Variants in ARHGEF3 observed in about 807,000 individuals in gnomAD.
The protein encoded by ARHGEF3 is 59.8 kDA protein.
A neutral mutation model predicts 63.2 loss-of-function variants in ARHGEF3; 28 were observed. That is an observed-to-expected ratio of 0.44 (90% CI 0.33 to 0.61). The LOEUF is 0.61. Among genes scored for constraint, ARHGEF3 ranks in the 20% least tolerant of loss-of-function variants. The probability of loss-of-function intolerance (pLI) is 0.03; values close to 1 mark genes in which losing one functional copy is unlikely to be tolerated. For synonymous variants in ARHGEF3, 266 were observed against 254.2 expected (o/e 1.05, Z -0.44); for missense variants, 533 against 659.3 (o/e 0.81, Z 2.10).
At chr3:56,988,696 G>T (rs540492973) in intron 2 of ARHGEF3, among the ~76,000 whole-genome samples, 1 of 152,244 alleles carries the variant, frequency 6.6e-6, no homozygotes, top group African/African-American at 2.4e-5. Context: ...TTTAATTTTT[G>T]TACCAAAGGG....
chr3:57,000,339 C>T (rs1010721276), intron 2 of ARHGEF3, among the ~76,000 whole-genome samples: 7 of 151,048 alleles, frequency 4.6e-5, no homozygotes, highest in Non-Finnish European at 8.8e-5. Context: ...CACACACACA[C>T]ACACCTTAAG....
intron 1 of ARHGEF3, among the ~76,000 whole-genome samples, chr3:56,799,794 G>T (rs796781865): frequency 6.6e-6 from 1 of 152,108 alleles, no homozygotes; most frequent in Non-Finnish European, 1.5e-5. Context: ...TATGCTCATC[G>T]ATGAAGCTAA....
chr3:56,996,635 G>A (rs1701996755), intron 2 of ARHGEF3, among the ~76,000 whole-genome samples: 1 of 152,172 alleles, frequency 6.6e-6, no homozygotes, highest in African/African-American at 2.4e-5. Flanking sequence ...CCAGAACTGT[G>A]AGAAATCAAT....
intron 3 of ARHGEF3, among the ~76,000 whole-genome samples, chr3:56,938,280 A>T (rs1699001289): frequency 1.3e-5 from 2 of 152,182 alleles, no homozygotes; most frequent in Non-Finnish European, 2.9e-5. Context: ...GAAGAAAAGA[A>T]TTTTAATCTT....
intron 4 of ARHGEF3, among the ~76,000 whole-genome samples, chr3:56,845,795 GA>G (rs2039469217): frequency 6.6e-6 from 1 of 152,142 alleles, no homozygotes; most frequent in African/African-American, 2.4e-5. Flanking sequence ...AACCCTGTAG[GA>G]AGGCCCCAGA....
At chr3:56,808,770 A>C (rs2037958660) in intron 4 of ARHGEF3, among the ~76,000 whole-genome samples, 1 of 152,180 alleles carries the variant, frequency 6.6e-6, no homozygotes. Context: ...CTCCCAGCAG[A>C]TATTTGGCAC....
chr3:57,074,032 T>C (rs1233108310), intron 1 of ARHGEF3: 32 of 1,614,096 alleles, frequency 2.0e-5, no homozygotes, highest in Non-Finnish European at 2.6e-5. Flanking sequence ...GCTCTCCTGA[T>C]ACAGCAAGGC....
chr3:56,949,750 T>C (rs1300686496), intron 3 of ARHGEF3, among the ~76,000 whole-genome samples: 1 of 152,044 alleles, frequency 6.6e-6, no homozygotes, highest in East Asian at 1.9e-4. Context: ...AAGCTACCAA[T>C]GATTTTCTTC....
At chr3:56,928,155 C>T (rs2042323079) in intron 3 of ARHGEF3, among the ~76,000 whole-genome samples, 1 of 152,126 alleles carries the variant, frequency 6.6e-6, no homozygotes, top group African/African-American at 2.4e-5. Flanking sequence ...GCACGTGTTT[C>T]CCCACTGCAG....
intron 1 of ARHGEF3, among the ~76,000 whole-genome samples, chr3:57,054,799 C>T (rs544455684): frequency 1.3e-4 from 20 of 151,590 alleles, no homozygotes; most frequent in Admixed American, 2.6e-4. Context: ...TATAGGCATA[C>T]GCCACCATGC....
At chr3:56,983,933 T>C (rs1467303965) in intron 2 of ARHGEF3, among the ~76,000 whole-genome samples, 1 of 74,020 alleles carries the variant, frequency 1.4e-5, no homozygotes, top group Non-Finnish European at 2.9e-5. Flanking sequence ...AGACTCCGTC[T>C]CGAGAAAAAA....
chr3:56,995,673 AT>A (rs1553800632), intron 2 of ARHGEF3, among the ~76,000 whole-genome samples: 1 of 93,448 alleles, frequency 1.1e-5, no homozygotes, highest in Non-Finnish European at 2.2e-5. Context: ...GAGAGAGAGA[AT>A]TTTTTTTAAC....
At chr3:56,776,536 G>A (rs2036292723) in intron 1 of ARHGEF3, among the ~76,000 whole-genome samples, 1 of 152,056 alleles carries the variant, frequency 6.6e-6, no homozygotes. Context: ...TATGAATTAT[G>A]GTGTTCTCCT....
At chr3:56,988,994 GCTGGAAGA>G (rs1240655188) in intron 2 of ARHGEF3, among the ~76,000 whole-genome samples, 1 of 152,106 alleles carries the variant, frequency 6.6e-6, no homozygotes, top group Non-Finnish European at 1.5e-5. Flanking sequence ...ATTACAAATA[GCTGGAAGA>G]CAATTTTTTC....
At chr3:57,035,543 T>C (rs953894128) in intron 1 of ARHGEF3, among the ~76,000 whole-genome samples, 2 of 152,210 alleles carry the variant, frequency 1.3e-5, no homozygotes, top group Admixed American at 6.5e-5. Flanking sequence ...AAGACAGGGT[T>C]AGACCATGTT....
chr3:57,063,114 G>T (rs1312766301), intron 1 of ARHGEF3, among the ~76,000 whole-genome samples: 1 of 152,248 alleles, frequency 6.6e-6, no homozygotes, highest in African/African-American at 2.4e-5. Flanking sequence ...AAGCTCTGCA[G>T]ATATTGGGAG....
At chr3:56,771,910 C>G (rs2036025628) in intron 2 of ARHGEF3, among the ~76,000 whole-genome samples, 1 of 152,132 alleles carries the variant, frequency 6.6e-6, no homozygotes, top group African/African-American at 2.4e-5. Flanking sequence ...TTTCAAAAAG[C>G]AGTAACTCAG....
At chr3:56,775,456 T>C in intron 1 of ARHGEF3, 1 of 1,004,458 alleles carries the variant, frequency 1.0e-6, no homozygotes, top group Non-Finnish European at 1.2e-6. Flanking sequence ...AGCAGTTAAA[T>C]ACTTTTCCAA....
At chr3:57,032,805 G>A (rs1230618984) in intron 2 of ARHGEF3, among the ~76,000 whole-genome samples, 1 of 152,148 alleles carries the variant, frequency 6.6e-6, no homozygotes, top group African/African-American at 2.4e-5. Flanking sequence ...AGATGATCCC[G>A]GGCTGGACTC....
Sources: allele counts gnomAD v4.1 joint callset (sites outside exome capture counted in the v4.1 genomes callset), GRCh38; gene constraint gnomAD v4.1.1; transcripts MANE v1.5; gene names NCBI Gene and HGNC (gene_info 2026-07-23, HGNC 2026-07-21).